COG1: variants seen among roughly 807,000 people sequenced by gnomAD.
COG1 encodes component of oligomeric golgi complex 1.
In COG1, 61 loss-of-function variants were observed where a neutral mutation model predicts 102.2. That is an observed-to-expected ratio of 0.60 (90% CI 0.49 to 0.74). The LOEUF is 0.74. Among genes scored for constraint, COG1 ranks in the 30% least tolerant of loss-of-function variants. The pLI is 0.00. For missense variants in COG1, 1,164 were observed against 1,232.1 expected (o/e 0.94, Z 0.83); for synonymous variants, 454 against 493.6 (o/e 0.92, Z 1.06).
rs144896007 is a variant in COG1, at chr17:73,208,326, G to A, written c.2818G>A (p.Ala940Thr). 27 of 1,613,644 alleles carry A rather than the reference G, an allele frequency of 1.7e-5. No homozygotes were observed. The African/African-American group carries it at 2.4e-4, about 14-fold the overall frequency. Residue 940 changes from alanine to threonine, a missense_variant, in exon 14 of 14, where the codon GCA (alanine) becomes ACA (threonine). By Grantham distance (58) the Ala-to-Thr change is moderately conservative (BLOSUM62 0). Coordinates refer to ENST00000299886, the MANE Select transcript of COG1 (RefSeq NM_018714.3). The part of the protein sequence containing the change: ...IETKAQVVPP[A>T]RSTAGDPTVP... ...CATCCAATGGCAGGTTGTCCCCCCGGCACGCTCCACAGCTGGTGACCCGAC... is the reference window on the plus strand; with the variant it reads ...CATCCAATGGCAGGTTGTCCCCCCGACACGCTCCACAGCTGGTGACCCGAC...
At position 73,205,677 on chromosome 17, in the gene COG1, C is replaced by T; in HGVS notation, c.2507C>T (p.Ser836Phe). ...AAGAGTGGCCGGAGCAAGCCAGACT[C>T]CAGGTGTCGTATCCTCTAGGGAGCT... ...EVKSGRSKPD[S>F]RIEKVTDHLE... is the part of the protein sequence containing the mutation. The change falls in exon 10 of 14, where the codon TCC (serine) becomes TTC (phenylalanine). Residue 836 changes from serine to phenylalanine, a missense_variant. Physicochemically the swap from Ser to Phe is radical, Grantham distance 155. Coordinates refer to ENST00000299886, the MANE Select transcript of COG1 (RefSeq NM_018714.3). 6.2e-7 allele frequency: 1 copy of T among 1,613,674 alleles called. No homozygotes were observed. Among genetic ancestry groups the T allele is most frequent in the Admixed American group, 1.7e-5 (1 of 60,022 alleles).
intron 3 of COG1, 60 bp downstream of exon 3, chr17:73,197,141 G>A: frequency 2.5e-6 from 4 of 1,611,836 alleles, no homozygotes; most frequent in Non-Finnish European, 3.4e-6. Context: ...AGGGTGAGCT[G>A]CGGGAGACTG....
At chr17:73,203,899 G>T in intron 9 of COG1, 106 bp downstream of exon 9, 8 of 1,298,428 alleles carry the variant, frequency 6.2e-6, no homozygotes, top group Non-Finnish European at 7.7e-6. Context: ...AACTGTTAAG[G>T]ATCACCCAGC....
At position 73,201,750 on chromosome 17, in the gene COG1, A is replaced by G. The variant is rs1157236431; in HGVS notation, c.1923A>G (p.Lys641=). The change falls in exon 7 of 14, where the codon AAA becomes AAG. Residue 641 remains lysine, a synonymous_variant. Coordinates refer to ENST00000299886, the MANE Select transcript of COG1 (RefSeq NM_018714.3). The stretch of plus-strand genomic sequence containing the variant: ...TGGGAAAATCAGAGAGCTCAGAGAA[A>G]CCAGCAAGGGAGTTTAGGGCTCTGA... ...CILGKSESSE[K]PAREFRALRK... The G allele has an allele frequency of 6.2e-7, 1 of 1,614,180 alleles. No individual in the cohort carries two copies. Among genetic ancestry groups the G allele is most frequent in the South Asian group, 1.1e-5 (1 of 91,084 alleles).
rs763976755 is a variant in COG1 at position 73,201,109 on chromosome 17, ACT to A, written c.1285_1286del (p.Leu429AspfsTer6). ...MQQLFLDRLQ[T>X]LTKEGFDSIS... ...GAACTCTTCTCTCATTCTCTTTTAG[ACT>A]CTGACAAAAGAAGGCTTTGACTCCA... is the stretch of plus-strand genomic sequence containing the variant. On this transcript the variant is annotated frameshift_variant and splice_region_variant, in exon 7 of 14. Transcript: ENST00000299886. LOFTEE classifies it high-confidence loss of function. The A allele has an allele frequency of 1.2e-6, 2 of 1,613,490 alleles. No individual in the cohort carries two copies. Among genetic ancestry groups the A allele is most frequent in the Admixed American group, 1.7e-5 (1 of 59,992 alleles).
chr17:73,197,188 A>G (rs769614914), intron 3 of COG1, 38 bp from the exon 4 acceptor site: 3 of 1,614,010 alleles, frequency 1.9e-6, no homozygotes, highest in Non-Finnish European at 8.5e-7. Flanking sequence ...CACTTTGGGA[A>G]AGGTAATTGT....
At chr17:73,202,753 A>C (rs1172460067) in intron 7 of COG1, among the ~76,000 whole-genome samples, 1 of 152,216 alleles carries the variant, frequency 6.6e-6, no homozygotes, top group Non-Finnish European at 1.5e-5. Flanking sequence ...GTGCCACTGC[A>C]ATCAGCCTGG....
rs398124346 is a variant in COG1 at position 73,201,846 on chromosome 17, ACTC to A, written c.2024_2026del (p.Leu675del). 1,052 of 1,613,916 alleles carry A rather than the reference ACTC, an allele frequency of 6.5e-4. 2 individuals are homozygous for A. The highest frequency in any genetic ancestry group is 8.3e-4 in the Non-Finnish European group (974 of 1,180,010). On this transcript the variant is annotated inframe_deletion, in exon 7 of 14. Coordinates refer to ENST00000299886, the MANE Select transcript of COG1 (RefSeq NM_018714.3). ...CCAAGTGGCAAGAGGTTAAAGAAGTACTCCTCCAGCAGAGCGTGATGGGCTACC... is the reference window on the plus strand; with the variant it reads ...CCAAGTGGCAAGAGGTTAAAGAAGTACTCCAGCAGAGCGTGATGGGCTACC...
In COG1 at chr17:73,200,558, T is replaced by C; in HGVS notation, c.1071-8T>C. Reference sequence around the variant, plus strand: ...TGATGGAGCCCAAAGAACATGATTCTGTTGCAGGTGTAATGAAGACATTAA... The same window carrying C: ...TGATGGAGCCCAAAGAACATGATTCCGTTGCAGGTGTAATGAAGACATTAA... On this transcript the variant is annotated splice_polypyrimidine_tract_variant and splice_region_variant and intron_variant, in intron 5 of 13. Coordinates refer to ENST00000299886, the MANE Select transcript of COG1 (RefSeq NM_018714.3). The C allele has an allele frequency of 6.2e-7, 1 of 1,612,598 alleles. No homozygotes were observed. Among genetic ancestry groups the C allele is most frequent in the Non-Finnish European group, 8.5e-7 (1 of 1,178,604 alleles).
intron 6 of COG1, 95 bp from the exon 7 acceptor site, chr17:73,201,014 C>G: frequency 1.6e-6 from 2 of 1,216,920 alleles, no homozygotes; most frequent in Non-Finnish European, 2.4e-6. Flanking sequence ...GATGGTGAAC[C>G]TTCTGAATGC....
At chr17:73,196,810 T>A in intron 2 of COG1, 59 bp downstream of exon 2, 8 of 1,613,928 alleles carry the variant, frequency 5.0e-6, no homozygotes, top group Non-Finnish European at 6.8e-6. Flanking sequence ...CATTACGGGT[T>A]TATGGCGTTT....
chr17:73,203,146 G>T lies in COG1; in HGVS notation c.2220G>T (p.Gln740His), dbSNP rs1348548266. ...SVTSKIRLPA[Q>H]PSWYVQSFLF... is the part of the protein sequence containing the mutation. ...CATCCAAGATCCGACTCCCTGCACA[G>T]GTGAGCAGGGACCATGGGCTGAAAA... Residue 740 changes from glutamine to histidine, a missense_variant and splice_region_variant, in exon 8 of 14, where the codon CAG becomes CAT. Coordinates refer to ENST00000299886, the MANE Select transcript of COG1 (RefSeq NM_018714.3). 6.2e-7 allele frequency: 1 copy of T among 1,614,118 alleles called. No homozygotes were observed.
chr17:73,208,385 TGAA>T lies in COG1; in HGVS notation c.2883_2885del (p.Glu961del), dbSNP rs1333405918. 1 of 1,614,190 alleles carries T rather than the reference TGAA, an allele frequency of 6.2e-7. No individual in the cohort carries two copies. Among genetic ancestry groups the T allele is most frequent in the East Asian group, 2.2e-5 (1 of 44,894 alleles). On this transcript the variant is annotated inframe_deletion, in exon 14 of 14. Transcript: ENST00000299886. ...GCTCCTTGTTCAGACAGCTTGTCAG[TGAA>T]GAAGACAACACGTCTGCACCTTCAT...
rs193920973 is a variant in COG1, at chr17:73,203,051, G to T, written c.2125G>T (p.Val709Phe). 6.2e-7 allele frequency: 1 copy of T among 1,614,182 alleles called. No individual in the cohort carries two copies. Among genetic ancestry groups the T allele is most frequent in the South Asian group, 1.1e-5 (1 of 91,082 alleles). The change falls in exon 8 of 14, where the codon GTT (valine) becomes TTT (phenylalanine). Residue 709 changes from valine (V) to phenylalanine (F), a missense_variant. Transcript: ENST00000299886. ...ATTACTTCTAGATGATGCTGGCTCA[G>T]TTCTGGCCACAGCCACCAGCTGGGA... ...QSLLLDDAGSVLATATSWDEL... is the reference protein window; with the variant it reads ...QSLLLDDAGSFLATATSWDEL...
chr17:73,193,971 G>C (rs988909923), intron 1 of COG1, among the ~76,000 whole-genome samples: 4 of 150,470 alleles, frequency 2.7e-5, no homozygotes, highest in Non-Finnish European at 5.9e-5. Flanking sequence ...CACCACAGCC[G>C]GCCAAGCCCT....
In COG1 at chr17:73,206,179, G is replaced by A; in HGVS notation, c.2536G>A (p.Glu846Lys). 1 of 1,614,118 alleles carries A rather than the reference G, an allele frequency of 6.2e-7. No individual in the cohort carries two copies. The highest frequency in any genetic ancestry group is 8.5e-7 in the Non-Finnish European group (1 of 1,179,976). ...AATTGAGAAAGTGACTGACCACCTG[G>A]AAGCCCTCATTGATCCATTTGACCT... ...SRIEKVTDHL[E>K]ALIDPFDLDV... Residue 846 changes from glutamate to lysine, a missense_variant, in exon 11 of 14, where the codon GAA becomes AAA. Physicochemically the swap from Glu to Lys is moderately conservative, Grantham distance 56. Transcript: ENST00000299886.
At chr17:73,206,932 A>AAAAT (rs2061377264) in intron 12 of COG1, 115 bp downstream of exon 12, 1 of 805,078 alleles carries the variant, frequency 1.2e-6, no homozygotes, top group African/African-American at 1.7e-5. Flanking sequence ...TCTACTAAAA[A>AAAAT]AAATACAAAA....
At chr17:73,206,994 G>A in intron 12 of COG1, 177 bp downstream of exon 12, 1 of 703,358 alleles carries the variant, frequency 1.4e-6, no homozygotes, top group South Asian at 1.7e-5. Context: ...TCAGGAGGCT[G>A]AGGCAGGAGA....
chr17:73,200,048 C>T (rs1041210758), intron 5 of COG1, 27 bp downstream of exon 5: 1 of 1,599,920 alleles, frequency 6.3e-7, no homozygotes, highest in East Asian at 2.2e-5. Context: ...AGCTTCCCTG[C>T]AGCTGGCAGG....
Sources: allele counts gnomAD v4.1 joint callset (sites outside exome capture counted in the v4.1 genomes callset), GRCh38; gene constraint gnomAD v4.1.1; transcripts MANE v1.5; gene names NCBI Gene and HGNC (gene_info 2026-07-23, HGNC 2026-07-21).